Variants in METTL5 observed in about 807,000 individuals in gnomAD.
The protein encoded by METTL5 is rRNA N(6)-adenosine-methyltransferase METTL5.
In METTL5, 28 loss-of-function variants were observed where a neutral mutation model predicts 26.5. That is an observed-to-expected ratio of 1.06 (90% CI 0.78 to 1.45). The LOEUF (loss-of-function observed/expected upper bound fraction) is 1.45, where lower values mean the gene tolerates loss of function less well. METTL5 is among the 40% of genes most tolerant of loss of function. METTL5 has a pLI of 0.00. For synonymous variants in METTL5, 86 were observed against 82.6 expected (o/e 1.04, Z -0.22); for missense variants, 231 against 249.9 (o/e 0.92, Z 0.51).
intron 5 of METTL5, 48 bp from the exon 6 acceptor site, chr2:169,812,554 T>C: frequency 6.3e-7 from 1 of 1,593,044 alleles, no homozygotes; most frequent in Non-Finnish European, 8.6e-7. Flanking sequence ...TCCAAGCGTT[T>C]ACCACCCTTG....
chr2:169,820,172 G>A (rs1282645764), intron 3 of METTL5, among the ~76,000 whole-genome samples: 2 of 152,010 alleles, frequency 1.3e-5, no homozygotes, highest in Non-Finnish European at 2.9e-5. Flanking sequence ...GGTCAGGCTG[G>A]TCTCAAACTC....
At chr2:169,815,561 T>C (rs1165711704) in intron 4 of METTL5, 33 bp from the exon 5 acceptor site, 1 of 1,495,024 alleles carries the variant, frequency 6.7e-7, no homozygotes. Flanking sequence ...TATGAGCTGA[T>C]TTTTAAATAA....
intron 1 of METTL5, 97 bp downstream of exon 1, chr2:169,824,392 C>G: frequency 3.0e-6 from 3 of 1,004,312 alleles, no homozygotes; most frequent in Non-Finnish European, 3.1e-6. Flanking sequence ...CAGAATTTCT[C>G]TAGACATTCT....
intron 3 of METTL5, 35 bp downstream of exon 3, chr2:169,821,057 T>C: frequency 6.6e-7 from 1 of 1,507,096 alleles, no homozygotes; most frequent in Non-Finnish European, 8.9e-7. Flanking sequence ...ATCTTTTCTA[T>C]AAATATACCA....
rs764213363 is a variant in METTL5, at chr2:169,819,657, A to G, written c.407-14T>C. 5 of 1,581,508 alleles carry G rather than the reference A, an allele frequency of 3.2e-6. No individual in the cohort carries two copies. In the South Asian group the frequency reaches 3.4e-5, roughly 11 times the overall value. On this transcript the variant is annotated splice_polypyrimidine_tract_variant and intron_variant, in intron 3 of 6. Transcript: ENST00000260953. ...CCATATCTGTCCCTGTGAAGAGTAG[A>G]AAAAAAGCTCCTATTTACCTCTTCT...
At chr2:169,823,388 G>C (rs986687889) in intron 1 of METTL5, among the ~76,000 whole-genome samples, 2 of 152,170 alleles carry the variant, frequency 1.3e-5, no homozygotes, top group Non-Finnish European at 2.9e-5. Flanking sequence ...AGTTTTGTGT[G>C]AATTTTTGGT....
intron 5 of METTL5, 38 bp downstream of exon 5, chr2:169,815,439 T>C (rs1323436505): frequency 1.3e-6 from 2 of 1,488,474 alleles, no homozygotes; most frequent in East Asian, 4.5e-5. Flanking sequence ...CGAATACATG[T>C]TGGCCCTTTT....
intron 6 of METTL5, 149 bp from the exon 7 acceptor site, chr2:169,812,007 G>C: frequency 1.2e-6 from 1 of 861,872 alleles, no homozygotes. Context: ...TTTGTAATAT[G>C]AGAATGTATT....
At chr2:169,815,862 G>A (rs925037530) in intron 4 of METTL5, among the ~76,000 whole-genome samples, 9 of 152,184 alleles carry the variant, frequency 5.9e-5, no homozygotes, top group African/African-American at 2.2e-4. Flanking sequence ...GCCTAATGAT[G>A]TAGCTATCTT....
chr2:169,821,925 A>G lies in METTL5; in HGVS notation c.224+18T>C. On this transcript the variant is annotated intron_variant, in intron 2 of 6. Coordinates refer to ENST00000260953, the MANE Select transcript of METTL5 (RefSeq NM_014168.4). ...TAAAGCCACCCAATACCCAAATAGC[A>G]TATATTGCATTACGTACCCTGCTCC... 6.8e-6 allele frequency: 11 copies of G among 1,608,988 alleles called. No homozygotes were observed. Among genetic ancestry groups the G allele is most frequent in the Non-Finnish European group, 9.4e-6 (11 of 1,176,394 alleles).
In METTL5 at chr2:169,821,328, C is replaced by A. The variant is rs13428404; in HGVS notation, c.225-55G>T. The A allele has an allele frequency of 2.1e-4, 184 of 869,086 alleles. No individual in the cohort carries two copies. The highest frequency in any genetic ancestry group is 1.1e-3 in the South Asian group (30 of 28,158). The allele number at this position is 869,086 out of a possible 1,614,324, so 53.8% of individuals were successfully genotyped here. On this transcript the variant is annotated intron_variant, in intron 2 of 6. Transcript: ENST00000260953. ...GCGACTTATAGCTCCCAAGTAAAAACAAAACCAAAATTAGCTGTTTTTTTT... is the reference window on the plus strand; with the variant it reads ...GCGACTTATAGCTCCCAAGTAAAAAAAAAACCAAAATTAGCTGTTTTTTTT...
chr2:169,817,971 G>A (rs144443429), intron 4 of METTL5, among the ~76,000 whole-genome samples: 1,985 of 152,240 alleles, frequency 0.013, 59 homozygotes, highest in African/African-American at 0.044. Context: ...AGGCCTGGCT[G>A]CTTATCCTTA....
Position 169,812,495 on chromosome 2 carries a change from C to A in METTL5, c.553G>T (p.Asp185Tyr). The change falls in exon 6 of 7, where the codon GAC becomes TAC. Residue 185 changes from aspartate to tyrosine, a missense_variant. Transcript: ENST00000260953. The stretch of plus-strand genomic sequence containing the variant: ...TGAAACTTGTATGATGCTGGCAGGT[C>A]ATATCGAAGTTCTGTAAAACAAAAG... ...KIDIIAELRY[D>Y]LPASYKFHKK... is the part of the protein sequence containing the mutation. 6.2e-7 allele frequency: 1 copy of A among 1,613,768 alleles called. No individual in the cohort carries two copies. The highest frequency in any genetic ancestry group is 1.1e-5 in the South Asian group (1 of 90,976).
rs561062025 is a variant in METTL5, at chr2:169,812,720, A to G, written c.542-214T>C. On this transcript the variant is annotated intron_variant, in intron 5 of 6. Coordinates refer to ENST00000260953, the MANE Select transcript of METTL5 (RefSeq NM_014168.4). ...TGTTATTATGGCCATTTATACTGAA[A>G]TTTGAGGTTATAAGTGATGAGTTTA... The G allele has an allele frequency of 2.1e-5, 11 of 519,106 alleles. No homozygotes were observed. The East Asian group carries it at 2.8e-4, about 13-fold the overall frequency. 32.2% of individuals were successfully genotyped at this position (519,106 alleles called of 1,614,324 possible). A position where few individuals can be genotyped will look rare whatever the true frequency, so the allele number is the denominator to read the frequency against.
chr2:169,821,363 A>G (rs1049320699), intron 2 of METTL5, 90 bp from the exon 3 acceptor site: 24 of 939,996 alleles, frequency 2.6e-5, no homozygotes, highest in South Asian at 5.3e-5. Flanking sequence ...TTTAAACCAT[A>G]TATCTTTTTA....
intron 6 of METTL5, 165 bp from the exon 7 acceptor site, chr2:169,812,023 AAACT>A (rs1420957350): frequency 2.8e-5 from 21 of 748,650 alleles, no homozygotes; most frequent in East Asian, 1.1e-4. Context: ...GTATTAGTAC[AAACT>A]AACTAATAAA....
At chr2:169,817,707 T>C (rs1240260540) in intron 4 of METTL5, among the ~76,000 whole-genome samples, 3 of 131,010 alleles carry the variant, frequency 2.3e-5, no homozygotes, top group South Asian at 2.4e-4. Context: ...TAAGTGGGAG[T>C]TGAACAACGA....
rs755660767 is a variant in METTL5 at position 169,821,190 on chromosome 2, T to C, written c.308A>G (p.Asp103Gly). Residue 103 changes from aspartate (D) to glycine (G), a missense_variant, in exon 3 of 7, where the codon GAC (aspartate) becomes GGC (glycine). By Grantham distance (94) the Asp-to-Gly change is moderately conservative. Coordinates refer to ENST00000260953, the MANE Select transcript of METTL5 (RefSeq NM_014168.4). The part of the protein sequence containing the change: ...NAEEFELTNI[D>G]MVQCDVCLLS... Reference sequence around the variant, plus strand: ...TAAGCACACATCACATTGAACCATGTCAATATTTGTTAACTCAAACTCTTC... The same window carrying C: ...TAAGCACACATCACATTGAACCATGCCAATATTTGTTAACTCAAACTCTTC... The C allele has an allele frequency of 2.5e-5, 41 of 1,612,416 alleles. 1 individual carries two copies. The Middle Eastern group carries it at 4.9e-4, about 19-fold the overall frequency.
chr2:169,816,057 T>A (rs969304421), intron 4 of METTL5, among the ~76,000 whole-genome samples: 3 of 152,126 alleles, frequency 2.0e-5, no homozygotes, highest in African/African-American at 7.2e-5. Flanking sequence ...AATGATGAAA[T>A]CACCTCAGAA....
Sources: allele counts gnomAD v4.1 joint callset (sites outside exome capture counted in the v4.1 genomes callset), GRCh38; gene constraint gnomAD v4.1.1; transcripts MANE v1.5; gene names NCBI Gene and HGNC (gene_info 2026-07-23, HGNC 2026-07-21).